Variants in ERBB4 observed in about 807,000 individuals in gnomAD.
The protein encoded by ERBB4 is erb-b2 receptor tyrosine kinase 4, also known as receptor tyrosine-protein kinase erbB-4.
A neutral mutation model predicts 158.0 loss-of-function variants in ERBB4; 42 were observed. The observed-to-expected ratio is 0.27, with a 90% CI of 0.21 to 0.34. The LOEUF (loss-of-function observed/expected upper bound fraction) is 0.34. Among genes scored for constraint, ERBB4 ranks in the 10% least tolerant of loss-of-function variants. The pLI is 1.00. For synonymous variants in ERBB4, 583 were observed against 558.7 expected, an observed-to-expected ratio of 1.04 and a Z score of -0.61; for missense variants, 1,333 against 1,624.1, an observed-to-expected ratio of 0.82 and a Z score of 3.08.
intron 16 of ERBB4, among the ~76,000 whole-genome samples, chr2:211,656,366 T>C (rs1299370803): frequency 1.3e-5 from 2 of 152,240 alleles, no homozygotes; most frequent in South Asian, 2.1e-4. Flanking sequence ...TTGTTAACTT[T>C]AGTACTACCT....
At chr2:212,063,754 T>C (rs2077853272) in intron 2 of ERBB4, among the ~76,000 whole-genome samples, 1 of 152,154 alleles carries the variant, frequency 6.6e-6, no homozygotes, top group African/African-American at 2.4e-5. Flanking sequence ...GGAACTATCA[T>C]AGCAAAATCG....
intron 1 of ERBB4, among the ~76,000 whole-genome samples, chr2:212,231,543 G>A (rs1476036734): frequency 1.3e-5 from 2 of 152,188 alleles, no homozygotes; most frequent in Non-Finnish European, 2.9e-5. Context: ...ATCAGGAAAT[G>A]GCAATTACAT....
intron 12 of ERBB4, among the ~76,000 whole-genome samples, chr2:211,687,152 A>T (rs2072591830): frequency 6.6e-6 from 1 of 151,624 alleles, no homozygotes. Context: ...AAAAGTACAA[A>T]AAGTTAGCCA....
At chr2:211,915,709 T>C (rs750292789) in intron 3 of ERBB4, among the ~76,000 whole-genome samples, 1 of 151,650 alleles carries the variant, frequency 6.6e-6, no homozygotes, top group African/African-American at 2.4e-5. Context: ...AAAATAAACA[T>C]GGGCAGTACA....
chr2:212,495,519 T>A (rs1251377645), intron 1 of ERBB4, among the ~76,000 whole-genome samples: 1 of 152,226 alleles, frequency 6.6e-6, no homozygotes, highest in South Asian at 2.1e-4. Flanking sequence ...TTAAACCATC[T>A]GGTCCCAAGT....
At chr2:211,580,899 ATATATAT>A (rs1225503059) in intron 19 of ERBB4, among the ~76,000 whole-genome samples, 736 of 5,562 alleles carry the variant, frequency 0.13, 132 homozygotes, top group African/African-American at 0.43. Context: ...ATATATATAT[ATATATAT>A]ATATATATAT....
At chr2:212,167,000 C>A (rs1041879147) in intron 1 of ERBB4, among the ~76,000 whole-genome samples, 1 of 151,824 alleles carries the variant, frequency 6.6e-6, no homozygotes, top group Admixed American at 6.6e-5. Context: ...TAGAAGAAAA[C>A]CTTGGCAATA....
intron 7 of ERBB4, among the ~76,000 whole-genome samples, chr2:211,721,452 A>AAAAAAAAAAAAAAC (rs1332941722): frequency 6.7e-6 from 1 of 148,470 alleles, no homozygotes; most frequent in African/African-American, 2.5e-5. Context: ...GCAAAAAAAA[A>AAAAAAAAAAAAAAC]AAAAAAAAAA....
intron 20 of ERBB4, among the ~76,000 whole-genome samples, chr2:211,534,664 T>G (rs757076308): frequency 6.6e-6 from 1 of 152,122 alleles, no homozygotes; most frequent in Non-Finnish European, 1.5e-5. Context: ...TGTTAAATTT[T>G]CGGTTAAATC....
chr2:212,398,501 A>T (rs559685910), intron 1 of ERBB4, among the ~76,000 whole-genome samples: 41 of 152,296 alleles, frequency 2.7e-4, no homozygotes, highest in African/African-American at 9.6e-4. Context: ...TGCCAACATG[A>T]TCATTGTAAT....
In ERBB4 at chr2:211,598,390, A is replaced by G. The variant is rs543388143; in HGVS notation, c.2301+20787T>C. ...AATGTCGTGCTGGGCTGAGAAATAGAGGAAAGTTGCAGATAACTTGGGTGA... is the reference window on the plus strand; with the variant it reads ...AATGTCGTGCTGGGCTGAGAAATAGGGGAAAGTTGCAGATAACTTGGGTGA... On this transcript the variant is annotated intron_variant, in intron 19 of 27. Transcript: ENST00000342788. Among the ~76,000 whole-genome samples the G allele has an allele frequency of 2.0e-5, 3 of 152,332 alleles. No homozygotes were observed. In the East Asian group the frequency reaches 5.8e-4, roughly 29 times the overall value.
chr2:211,589,761 TA>T lies in ERBB4; in HGVS notation c.2302-27674del, dbSNP rs199750689. 3.7e-4 allele frequency among the ~76,000 whole-genome samples: 57 copies of T among 152,050 alleles called. 3 individuals are homozygous for T. The South Asian group carries it at 9.7e-3, about 26-fold the overall frequency. On this transcript the variant is annotated intron_variant, in intron 19 of 27. Coordinates refer to ENST00000342788, the MANE Select transcript of ERBB4 (RefSeq NM_005235.3). ...TGAATTCAAAATTGATCATTAACTA[TA>T]AAAAAAACTATTGTAAAAATGATTA... is the stretch of plus-strand genomic sequence containing the variant.
chr2:211,568,156 G>C (rs543549315), intron 19 of ERBB4, among the ~76,000 whole-genome samples: 21 of 150,658 alleles, frequency 1.4e-4, no homozygotes, highest in African/African-American at 5.1e-4. Flanking sequence ...TTTTCTTGTA[G>C]GTAAGTTTCA....
chr2:212,181,399 A>G (rs1437439443), intron 1 of ERBB4, among the ~76,000 whole-genome samples: 1 of 151,666 alleles, frequency 6.6e-6, no homozygotes, highest in Non-Finnish European at 1.5e-5. Flanking sequence ...ATTGGTTGCC[A>G]CACCACAGAA....
intron 15 of ERBB4, among the ~76,000 whole-genome samples, chr2:211,658,754 C>T (rs1158614712): frequency 1.3e-5 from 2 of 151,938 alleles, no homozygotes; most frequent in Non-Finnish European, 2.9e-5. Context: ...ACCTTTGAGA[C>T]CCAGTTAAGT....
chr2:211,947,503 G>C lies in ERBB4; in HGVS notation c.348C>G (p.Ala116=), dbSNP rs1205962800. The change falls in exon 3 of 28, where the codon GCC becomes GCG. Residue 116 remains alanine, a synonymous_variant. Transcript: ENST00000342788. The part of the protein sequence containing the change: ...RGTKLYEDRY[A]LAIFLNYRKD... ...TTCTGTAGTTTAAAAATATTGCCAAGGCATATCGATCCTCATAAAGTTTTG... is the reference window on the plus strand; with the variant it reads ...TTCTGTAGTTTAAAAATATTGCCAACGCATATCGATCCTCATAAAGTTTTG... 1 of 1,613,658 alleles carries C rather than the reference G, an allele frequency of 6.2e-7. No homozygotes were observed.
chr2:212,291,537 G>C (rs139399750), intron 1 of ERBB4, among the ~76,000 whole-genome samples: 7 of 151,942 alleles, frequency 4.6e-5, no homozygotes, highest in African/African-American at 1.7e-4. Flanking sequence ...TGCATCACAG[G>C]TGCCATTTAG....
intron 3 of ERBB4, 61 bp from the exon 4 acceptor site, chr2:211,788,220 C>A: frequency 7.9e-7 from 1 of 1,269,454 alleles, no homozygotes; most frequent in South Asian, 1.2e-5. Flanking sequence ...AAAAGGTAAT[C>A]AACAAAAGTG....
chr2:212,487,694 C>T (rs73989025), intron 1 of ERBB4, among the ~76,000 whole-genome samples: 2,858 of 151,468 alleles, frequency 0.019, 38 homozygotes, highest in Non-Finnish European at 0.026. Context: ...AAAGGAAGAA[C>T]GAGAGAAATA....
Sources: gnomAD v4.1 joint callset for allele counts (sites outside exome capture counted in the v4.1 genomes callset) on GRCh38, gnomAD v4.1.1 for gene constraint, MANE v1.5 for transcripts, NCBI Gene and HGNC (gene_info 2026-07-23, HGNC 2026-07-21) for gene names.